Variants in RIT2 observed in about 807,000 individuals in gnomAD.
RIT2 encodes Ras like without CAAX 2.
RIT2 carries 24 observed loss-of-function variants against 23.7 expected under a neutral mutation model. That is an observed-to-expected ratio of 1.01 (90% confidence interval 0.73 to 1.43). The LOEUF (loss-of-function observed/expected upper bound fraction) is 1.43, where lower values mean the gene tolerates loss of function less well. RIT2 is among the 40% of genes most tolerant of loss of function. The pLI, the probability that RIT2 is intolerant of heterozygous loss-of-function variation, is 0.00. For synonymous variants in RIT2, 107 were observed against 91.1 expected, an observed-to-expected ratio of 1.17 and a Z score of -0.99; for missense variants, 236 against 266.9, an observed-to-expected ratio of 0.88 and a Z score of 0.81.
chr18:42,940,259 T>TATATA (rs1909565540), intron 3 of RIT2, among the ~76,000 whole-genome samples: 1 of 139,312 alleles, frequency 7.2e-6, no homozygotes, highest in African/African-American at 2.8e-5. Flanking sequence ...TATATATATA[T>TATATA]ATATATATAT....
intron 2 of RIT2, among the ~76,000 whole-genome samples, chr18:42,980,534 C>A (rs898736280): frequency 6.6e-6 from 1 of 152,082 alleles, no homozygotes; most frequent in African/African-American, 2.4e-5. Context: ...CTGATACCCC[C>A]CGGAGATTCC....
intron 4 of RIT2, among the ~76,000 whole-genome samples, chr18:42,762,612 T>C (rs192464174): frequency 1.3e-5 from 2 of 152,298 alleles, no homozygotes; most frequent in East Asian, 1.9e-4. Flanking sequence ...TATGTGACTA[T>C]CAAAGTGACC....
At chr18:42,838,230 T>C (rs1906669600) in intron 4 of RIT2, among the ~76,000 whole-genome samples, 1 of 152,152 alleles carries the variant, frequency 6.6e-6, no homozygotes, top group Non-Finnish European at 1.5e-5. Context: ...TATAACTGCA[T>C]AGGATTTATG....
chr18:42,999,255 A>G (rs1324606337), intron 2 of RIT2, among the ~76,000 whole-genome samples: 1 of 152,062 alleles, frequency 6.6e-6, no homozygotes, highest in African/African-American at 2.4e-5. Flanking sequence ...AATAAAAAAA[A>G]ATCTTTCATT....
rs142575749 is a variant in RIT2 at position 42,926,520 on chromosome 18, C to A, written c.235-2757G>T. Among the ~76,000 whole-genome samples the A allele has an allele frequency of 5.6e-3, 853 of 151,990 alleles. 5 individuals carry two copies. Among genetic ancestry groups the A allele is most frequent in the Middle Eastern group, 0.034 (10 of 292 alleles). On this transcript the variant is annotated intron_variant, in intron 3 of 4. Coordinates refer to ENST00000326695, the MANE Select transcript of RIT2 (RefSeq NM_002930.4). ...ATAAGAAAAAGAGTAAAGCATTTGA[C>A]TACTTCAACAAAAATATACCATAAT...
chr18:43,115,190 T>C (rs1244262256), intron 1 of RIT2, among the ~76,000 whole-genome samples: 1 of 152,098 alleles, frequency 6.6e-6, no homozygotes, highest in Admixed American at 6.6e-5. Flanking sequence ...AAGAAAACAA[T>C]CATCCTCTTA....
intron 4 of RIT2, among the ~76,000 whole-genome samples, chr18:42,887,142 C>G (rs1908043842): frequency 6.6e-6 from 1 of 152,060 alleles, no homozygotes; most frequent in Non-Finnish European, 1.5e-5. Context: ...TAAGATAAAT[C>G]TTACCTAAAA....
At chr18:42,744,047 G>A (rs935064677) in intron 4 of RIT2, among the ~76,000 whole-genome samples, 1 of 152,152 alleles carries the variant, frequency 6.6e-6, no homozygotes, top group Non-Finnish European at 1.5e-5. Flanking sequence ...CCCTGTGAAA[G>A]TACTTTTCCT....
intron 4 of RIT2, among the ~76,000 whole-genome samples, chr18:42,808,613 A>G (rs1905753058): frequency 6.6e-6 from 1 of 152,152 alleles, no homozygotes; most frequent in Admixed American, 6.6e-5. Context: ...GGAAAGGCAT[A>G]GTTAACACAT....
At chr18:42,898,913 C>G (rs1013868238) in intron 4 of RIT2, among the ~76,000 whole-genome samples, 1 of 152,102 alleles carries the variant, frequency 6.6e-6, no homozygotes, top group Admixed American at 6.6e-5. Context: ...CTTTTCAGCG[C>G]CCCTCATTGG....
chr18:42,802,145 G>A (rs1183498256), intron 4 of RIT2, among the ~76,000 whole-genome samples: 1 of 152,136 alleles, frequency 6.6e-6, no homozygotes, highest in Non-Finnish European at 1.5e-5. Context: ...TGAAAATAGG[G>A]TCAAAATTAA....
rs1909031304 is a variant in RIT2, at chr18:42,920,636, T to C, written c.426+2936A>G. 5.1e-6 allele frequency: 6 copies of C among 1,179,652 alleles called. No individual in the cohort carries two copies. In the South Asian group the frequency reaches 7.8e-5, roughly 15 times the overall value. The allele number at this position is 1,179,652 out of a possible 1,614,324, so 73.1% of individuals were successfully genotyped here. On this transcript the variant is annotated intron_variant, in intron 4 of 4. Coordinates refer to ENST00000326695, the MANE Select transcript of RIT2 (RefSeq NM_002930.4). ...CTTTTTGTTTTTTTTCTTTTTATCT[T>C]TTTTAGAAAGGGCCCTGGGATTTCC...
intron 1 of RIT2, among the ~76,000 whole-genome samples, chr18:43,112,881 G>A (rs1347398280): frequency 6.6e-6 from 1 of 152,154 alleles, no homozygotes; most frequent in African/African-American, 2.4e-5. Context: ...GAAACAGATG[G>A]TAGCTTGATG....
chr18:43,060,410 C>T (rs140973709), intron 1 of RIT2, among the ~76,000 whole-genome samples: 1 of 152,260 alleles, frequency 6.6e-6, no homozygotes, highest in East Asian at 1.9e-4. Context: ...TTCCACAATA[C>T]AGTCACAATG....
intron 4 of RIT2, among the ~76,000 whole-genome samples, chr18:42,754,325 G>A (rs1443479545): frequency 6.6e-6 from 1 of 152,132 alleles, no homozygotes; most frequent in Non-Finnish European, 1.5e-5. Flanking sequence ...GACTGGTAAG[G>A]GGTGTGGAGT....
At chr18:42,744,160 C>G (rs1327869266) in intron 4 of RIT2, among the ~76,000 whole-genome samples, 1 of 152,014 alleles carries the variant, frequency 6.6e-6, no homozygotes, top group Non-Finnish European at 1.5e-5. Context: ...CCTTTACCTA[C>G]CCAAATCTTA....
At chr18:42,801,291 G>A (rs1598659571) in intron 4 of RIT2, among the ~76,000 whole-genome samples, 1 of 152,146 alleles carries the variant, frequency 6.6e-6, no homozygotes, top group East Asian at 1.9e-4. Context: ...ATGGCTGGCT[G>A]CTTGGTCTGA....
chr18:42,823,220 T>C (rs776466532), intron 4 of RIT2, among the ~76,000 whole-genome samples: 7 of 152,136 alleles, frequency 4.6e-5, no homozygotes, highest in Non-Finnish European at 8.8e-5. Flanking sequence ...CAGTGGTATT[T>C]TACAAAAATA....
chr18:43,078,567 G>C (rs1306380256), intron 1 of RIT2, among the ~76,000 whole-genome samples: 2 of 152,002 alleles, frequency 1.3e-5, no homozygotes, highest in Admixed American at 6.5e-5. Context: ...TCCTTGCATC[G>C]CGCACATGCT....
Sources: allele counts gnomAD v4.1 joint callset (sites outside exome capture counted in the v4.1 genomes callset), GRCh38; gene constraint gnomAD v4.1.1; transcripts MANE v1.5; gene names NCBI Gene and HGNC (gene_info 2026-07-23, HGNC 2026-07-21).